DPYD: variants seen among roughly 807,000 people sequenced by gnomAD.
The protein encoded by DPYD is dihydropyrimidine dehydrogenase, also known as dihydropyrimidine dehydrogenase [NADP(+)].
DPYD carries 109 observed loss-of-function variants against 116.2 expected under a neutral mutation model. That is an observed-to-expected ratio of 0.94 (90% CI 0.80 to 1.10). The LOEUF (loss-of-function observed/expected upper bound fraction) is 1.10. Ranked by LOEUF, DPYD falls within the 50% of genes least tolerant of loss-of-function variation. The pLI is 0.00. For missense variants in DPYD, 1,302 were observed against 1,254.5 expected (o/e 1.04, Z -0.57); for synonymous variants, 440 against 432.0 (o/e 1.02, Z -0.23).
At chr1:97,615,888 C>T (rs940145281) in intron 8 of DPYD, among the ~76,000 whole-genome samples, 1 of 152,004 alleles carries the variant, frequency 6.6e-6, no homozygotes, top group African/African-American at 2.4e-5. Context: ...TACAACATTC[C>T]CCTTCATTAC....
chr1:97,875,507 A>G (rs1327385777), intron 2 of DPYD, among the ~76,000 whole-genome samples: 1 of 152,052 alleles, frequency 6.6e-6, no homozygotes, highest in Non-Finnish European at 1.5e-5. Context: ...GCCTTTGCAT[A>G]AGCAGCCAGT....
intron 3 of DPYD, among the ~76,000 whole-genome samples, chr1:97,757,882 C>A (rs1397731274): frequency 6.6e-6 from 1 of 152,102 alleles, no homozygotes; most frequent in Non-Finnish European, 1.5e-5. Flanking sequence ...AAAAAATGAT[C>A]ATTATTTTCT....
intron 4 of DPYD, among the ~76,000 whole-genome samples, chr1:97,728,613 G>A (rs1051761180): frequency 3.3e-5 from 5 of 151,918 alleles, no homozygotes; most frequent in Non-Finnish European, 7.4e-5. Flanking sequence ...TTTCACAGAT[G>A]GAAGCACCCT....
Position 97,595,505 on chromosome 1 carries a change from G to A in DPYD, c.851-339C>T, listed in dbSNP as rs541120536. On this transcript the variant is annotated intron_variant, in intron 8 of 22. Coordinates refer to ENST00000370192, the MANE Select transcript of DPYD (RefSeq NM_000110.4). ...TCATATCATAAATAAGTCAGTTTCA[G>A]CTACATTAAAGTACTAAATATAAAA... 2.0e-5 allele frequency among the ~76,000 whole-genome samples: 3 copies of A among 151,514 alleles called. No homozygotes were observed. In the East Asian group the frequency reaches 5.8e-4, roughly 29 times the overall value.
chr1:97,172,625 A>G (rs1359811444), intron 20 of DPYD, among the ~76,000 whole-genome samples: 1 of 152,226 alleles, frequency 6.6e-6, no homozygotes, highest in Non-Finnish European at 1.5e-5. Flanking sequence ...GGTTGCTAAT[A>G]GAATCTTCTC....
chr1:97,208,928 T>C (rs61786274), intron 19 of DPYD, among the ~76,000 whole-genome samples: 1 of 152,258 alleles, frequency 6.6e-6, no homozygotes, highest in East Asian at 1.9e-4. Context: ...TTCTGAATTT[T>C]GTATCTGAAT....
chr1:97,495,027 T>C (rs1174002425), intron 13 of DPYD, among the ~76,000 whole-genome samples: 3 of 152,160 alleles, frequency 2.0e-5, no homozygotes, highest in Non-Finnish European at 4.4e-5. Context: ...TGCACAATCA[T>C]AGTTTGTGGA....
In DPYD at chr1:97,565,633, C is replaced by G. The variant is rs184380067; in HGVS notation, c.1339+8127G>C. On this transcript the variant is annotated intron_variant, in intron 11 of 22. Transcript: ENST00000370192. ...TAACAGGAAAACTCCTACTCAAGCT[C>G]TAAAACCCATTCCAAATGTGATCTC... Among the ~76,000 whole-genome samples, 3 of 152,242 alleles carry G rather than the reference C, an allele frequency of 2.0e-5. No homozygotes were observed. The East Asian group carries it at 5.8e-4, about 29-fold the overall frequency.
chr1:97,174,140 G>A (rs1313233208), intron 20 of DPYD, among the ~76,000 whole-genome samples: 1 of 152,016 alleles, frequency 6.6e-6, no homozygotes, highest in African/African-American at 2.4e-5. Context: ...TATAAGGGTA[G>A]GTAGGACGTT....
At chr1:97,264,656 C>T (rs1664116261) in intron 18 of DPYD, among the ~76,000 whole-genome samples, 1 of 152,058 alleles carries the variant, frequency 6.6e-6, no homozygotes, top group Non-Finnish European at 1.5e-5. Flanking sequence ...CTAACTTAAG[C>T]TTCCTAAATG....
At chr1:97,722,360 A>G (rs1662972178) in intron 4 of DPYD, among the ~76,000 whole-genome samples, 1 of 151,562 alleles carries the variant, frequency 6.6e-6, no homozygotes, top group Non-Finnish European at 1.5e-5. Context: ...GAACAGAAAA[A>G]AAAGTAAAAA....
intron 11 of DPYD, among the ~76,000 whole-genome samples, chr1:97,555,493 C>A (rs1298121675): frequency 6.6e-6 from 1 of 152,058 alleles, no homozygotes; most frequent in East Asian, 1.9e-4. Flanking sequence ...CTTCCCACCT[C>A]ATGATTTATT....
At chr1:97,899,219 C>G (rs962457921) in intron 1 of DPYD, among the ~76,000 whole-genome samples, 11 of 151,720 alleles carry the variant, frequency 7.3e-5, no homozygotes, top group African/African-American at 2.7e-4. Flanking sequence ...CCTTGAATAA[C>G]TGAAGTCAGT....
intron 12 of DPYD, among the ~76,000 whole-genome samples, chr1:97,534,071 C>T (rs1649826509): frequency 6.6e-6 from 1 of 152,070 alleles, no homozygotes; most frequent in African/African-American, 2.4e-5. Context: ...AAAACATTTC[C>T]AAAACCTACC....
At chr1:97,813,925 C>T (rs1246961215) in intron 3 of DPYD, among the ~76,000 whole-genome samples, 1 of 150,786 alleles carries the variant, frequency 6.6e-6, no homozygotes, top group South Asian at 2.1e-4. Context: ...GACACACACA[C>T]ACACACACAC....
intron 22 of DPYD, among the ~76,000 whole-genome samples, chr1:97,081,147 T>A (rs1649121993): frequency 1.3e-5 from 2 of 151,560 alleles, no homozygotes; most frequent in Non-Finnish European, 2.9e-5. Flanking sequence ...ATAGTTTTTT[T>A]TTAAATTAAA....
intron 2 of DPYD, among the ~76,000 whole-genome samples, chr1:97,875,214 A>G (rs1206754575): frequency 6.6e-6 from 1 of 151,938 alleles, no homozygotes; most frequent in Non-Finnish European, 1.5e-5. Flanking sequence ...TATTTTTGCT[A>G]CCAACATAGC....
intron 10 of DPYD, among the ~76,000 whole-genome samples, chr1:97,592,133 C>T (rs1318007190): frequency 1.3e-5 from 2 of 152,164 alleles, no homozygotes. Flanking sequence ...ACTCCAAACA[C>T]ATTCAGGCAT....
intron 14 of DPYD, among the ~76,000 whole-genome samples, chr1:97,417,086 T>G (rs1198841639): frequency 6.6e-6 from 1 of 152,212 alleles, no homozygotes; most frequent in Non-Finnish European, 1.5e-5. Context: ...CATATTTCCC[T>G]AAACCCTACA....
Sources: gnomAD v4.1 joint callset for allele counts (sites outside exome capture counted in the v4.1 genomes callset) on GRCh38, gnomAD v4.1.1 for gene constraint, MANE v1.5 for transcripts, NCBI Gene and HGNC (gene_info 2026-07-23, HGNC 2026-07-21) for gene names.